Variants in PRKAR1B observed in about 807,000 individuals in gnomAD.
PRKAR1B encodes the protein cAMP-dependent protein kinase type I-beta regulatory subunit.
In PRKAR1B, 22 loss-of-function variants were observed where a neutral mutation model predicts 46.5. That is an observed-to-expected ratio of 0.47 (90% CI 0.34 to 0.68). The LOEUF is 0.68. PRKAR1B is among the 30% of genes least tolerant of loss of function. PRKAR1B has a pLI of 0.01. For missense variants in PRKAR1B, 445 were observed against 535.6 expected, an observed-to-expected ratio of 0.83 and a Z score of 1.67; for synonymous variants, 259 against 217.7, an observed-to-expected ratio of 1.19 and a Z score of -1.67.
At chr7:647,977 C>T (rs1432452434) in intron 4 of PRKAR1B, among the ~76,000 whole-genome samples, 1 of 151,578 alleles carries the variant, frequency 6.6e-6, no homozygotes, top group African/African-American at 2.4e-5. Context: ...AAGACCCCAG[C>T]TCTACAAAAA....
At chr7:708,940 G>A (rs1408808726) in intron 2 of PRKAR1B, among the ~76,000 whole-genome samples, 3 of 150,558 alleles carry the variant, frequency 2.0e-5, no homozygotes, top group Non-Finnish European at 4.4e-5. Flanking sequence ...TTACAGGTGC[G>A]TGCCACCACA....
intron 6 of PRKAR1B, 149 bp downstream of exon 6, chr7:606,044 A>C (rs1782023857): frequency 1.4e-6 from 1 of 710,172 alleles, no homozygotes; most frequent in Non-Finnish European, 2.5e-6. Context: ...CTCTTCCAAG[A>C]GATAGCAGTT....
chr7:708,383 C>T (rs895864047), intron 2 of PRKAR1B, among the ~76,000 whole-genome samples: 35 of 152,358 alleles, frequency 2.3e-4, no homozygotes, highest in African/African-American at 8.2e-4. Context: ...GGAGATGGTT[C>T]TAGAATCTCT....
At position 639,947 on chromosome 7, in the gene PRKAR1B, A is replaced by G. The variant is rs575324986; in HGVS notation, c.441-32495T>C. On this transcript the variant is annotated intron_variant, in intron 4 of 10. Coordinates refer to ENST00000537384, the MANE Select transcript of PRKAR1B (RefSeq NM_001164760.2). ...TGGGAGGTCAAGGTGGGCGGATCACAAGGTCAGGAGTTTGAGACCAGCCTG... is the reference window on the plus strand; with the variant it reads ...TGGGAGGTCAAGGTGGGCGGATCACGAGGTCAGGAGTTTGAGACCAGCCTG... Among the ~76,000 whole-genome samples, 315 of 151,908 alleles carry G rather than the reference A, an allele frequency of 2.1e-3. 1 individual carries two copies. The highest frequency in any genetic ancestry group is 7.1e-3 in the African/African-American group (293 of 41,446).
At chr7:599,786 G>GC (rs1781490213) in intron 6 of PRKAR1B, among the ~76,000 whole-genome samples, 1 of 149,866 alleles carries the variant, frequency 6.7e-6, no homozygotes, top group Non-Finnish European at 1.5e-5. Flanking sequence ...ACATGGGCAG[G>GC]CCCCCCATTC....
chr7:630,684 C>T (rs1216761788), intron 4 of PRKAR1B, among the ~76,000 whole-genome samples: 3 of 152,190 alleles, frequency 2.0e-5, no homozygotes, highest in Non-Finnish European at 4.4e-5. Flanking sequence ...TAAAGACGCC[C>T]AGGGGATGTG....
chr7:660,810 C>T (rs1385102210), intron 4 of PRKAR1B, among the ~76,000 whole-genome samples: 2 of 99,298 alleles, frequency 2.0e-5, no homozygotes, highest in Non-Finnish European at 4.1e-5. Context: ...AATACCTACT[C>T]TCCCCCCCAT....
Position 714,830 on chromosome 7 carries a change from G to A in PRKAR1B, c.-22-3303C>T, listed in dbSNP as rs1780816929. On this transcript the variant is annotated intron_variant, in intron 1 of 10. Transcript: ENST00000537384. The surrounding 1 kb of genome is among the most constrained non-coding windows in gnomAD (Gnocchi z 4.3). ...CAGGATCCTAGAGAAATGGAGCCAC[G>A]GCCGTCCTCAAACCAAACCTGAGGC... is the stretch of plus-strand genomic sequence containing the variant. Among the ~76,000 whole-genome samples, 2 of 152,188 alleles carry A rather than the reference G, an allele frequency of 1.3e-5. No homozygotes were observed. Among genetic ancestry groups the A allele is most frequent in the South Asian group, 2.1e-4 (1 of 4,830 alleles).
Position 644,136 on chromosome 7 carries a change from T to C in PRKAR1B, c.440+33093A>G, listed in dbSNP as rs539419016. Reference sequence around the variant, plus strand: ...CAGAGGTGCTAAGTCACGGGCCACATGCACCCCCTCCTGTGCCCTCACCTA... The same window carrying C: ...CAGAGGTGCTAAGTCACGGGCCACACGCACCCCCTCCTGTGCCCTCACCTA... On this transcript the variant is annotated intron_variant, in intron 4 of 10. Coordinates refer to ENST00000537384, the MANE Select transcript of PRKAR1B (RefSeq NM_001164760.2). This position sits in a 1 kb window ranked among gnomAD's most constrained non-coding sequence, Gnocchi z 4.9. Among the ~76,000 whole-genome samples, 1 of 152,180 alleles carries C rather than the reference T, an allele frequency of 6.6e-6. No individual in the cohort carries two copies. The highest frequency in any genetic ancestry group is 2.4e-5 in the African/African-American group (1 of 41,516).
At chr7:649,612 C>T (rs1784792126) in intron 4 of PRKAR1B, among the ~76,000 whole-genome samples, 1 of 152,058 alleles carries the variant, frequency 6.6e-6, no homozygotes, top group African/African-American at 2.4e-5. Context: ...GGGTCTTGCT[C>T]TGTTGTCCAG....
rs1382253015 is a variant in PRKAR1B, at chr7:685,328, GTATATATACGTA to G, written c.178-4614_178-4603del. 8.2e-3 allele frequency among the ~76,000 whole-genome samples: 396 copies of G among 48,280 alleles called. 68 individuals are homozygous for G. The highest frequency in any genetic ancestry group is 0.03 in the African/African-American group (318 of 10,440). 31.7% of individuals were successfully genotyped at this position (48,280 alleles called of 152,430 possible). On this transcript the variant is annotated intron_variant, in intron 2 of 10. Coordinates refer to ENST00000537384, the MANE Select transcript of PRKAR1B (RefSeq NM_001164760.2). Reference sequence around the variant, plus strand: ...TATACGTATATATACGTATATATACGTATATATACGTATATATATGTATACATATATATATAC... The same window carrying G: ...TATACGTATATATACGTATATATACGTATATATGTATACATATATATATAC...
At chr7:633,061 G>A (rs1783857450) in intron 4 of PRKAR1B, among the ~76,000 whole-genome samples, 1 of 152,252 alleles carries the variant, frequency 6.6e-6, no homozygotes, top group Non-Finnish European at 1.5e-5. Flanking sequence ...CGCCATGCGT[G>A]TGAATTCATT....
rs566063251 is a variant in PRKAR1B, at chr7:586,844, C to T, written c.709-2276G>A. On this transcript the variant is annotated intron_variant, in intron 7 of 10. Coordinates refer to ENST00000537384, the MANE Select transcript of PRKAR1B (RefSeq NM_001164760.2). The stretch of plus-strand genomic sequence containing the variant: ...CCAGGGACCCTCCCAGCTGCCACAA[C>T]GCCTGGGGGCAATGGTGAAGGAGGG... Among the ~76,000 whole-genome samples the T allele has an allele frequency of 5.3e-5, 8 of 151,926 alleles. No homozygotes were observed. In the East Asian group the frequency reaches 5.8e-4, roughly 11 times the overall value.
intron 4 of PRKAR1B, among the ~76,000 whole-genome samples, chr7:676,547 G>A (rs948885856): frequency 6.6e-6 from 1 of 152,236 alleles, no homozygotes; most frequent in Non-Finnish European, 1.5e-5. Flanking sequence ...GGTATAGCGC[G>A]CGGGGGAACC....
chr7:672,158 T>G (rs983700208), intron 4 of PRKAR1B, among the ~76,000 whole-genome samples: 2 of 139,478 alleles, frequency 1.4e-5, no homozygotes, highest in South Asian at 2.2e-4. Context: ...ACCGAATTTG[T>G]TTTTTTTTTT....
chr7:577,872 C>T (rs547579928), intron 9 of PRKAR1B, among the ~76,000 whole-genome samples: 13 of 152,330 alleles, frequency 8.5e-5, no homozygotes, highest in East Asian at 7.7e-4. Context: ...AGCTCGGAGC[C>T]GCTCCCGCTA....
intron 9 of PRKAR1B, among the ~76,000 whole-genome samples, chr7:575,672 A>G (rs1779777169): frequency 6.6e-6 from 1 of 152,090 alleles, no homozygotes; most frequent in African/African-American, 2.4e-5. Flanking sequence ...CCGCCTCCCA[A>G]GTAGCTGGGA....
chr7:722,525 C>T (rs112683542), intron 1 of PRKAR1B, among the ~76,000 whole-genome samples: 23,465 of 149,902 alleles, frequency 0.16, 1,897 homozygotes, highest in East Asian at 0.28. Flanking sequence ...GCGTGAGCCA[C>T]CGCGCCTGGC....
At chr7:634,685 G>A (rs1783945337) in intron 4 of PRKAR1B, among the ~76,000 whole-genome samples, 1 of 151,516 alleles carries the variant, frequency 6.6e-6, no homozygotes, top group South Asian at 2.1e-4. Context: ...TTTCACCCAG[G>A]CTAGAGTGCA....
Sources: gnomAD v4.1 joint callset for allele counts (sites outside exome capture counted in the v4.1 genomes callset) on GRCh38, gnomAD v4.1.1 for gene constraint, Gnocchi (gnomAD v3.1) non-coding constraint, MANE v1.5 for transcripts, NCBI Gene and HGNC (gene_info 2026-07-23, HGNC 2026-07-21) for gene names.